DPH6: variants seen among roughly 807,000 people sequenced by gnomAD.
DPH6 encodes diphthine--ammonia ligase.
A neutral mutation model predicts 38.2 loss-of-function variants in DPH6; 33 were observed. That is an observed-to-expected ratio of 0.86 (90% CI 0.65 to 1.15). The LOEUF is 1.15. Among genes scored for constraint, DPH6 ranks in the 50% most tolerant of loss-of-function variants. The pLI is 0.00. For missense variants in DPH6, 325 were observed against 320.0 expected, an observed-to-expected ratio of 1.02 and a Z score of -0.12; for synonymous variants, 108 against 103.0, an observed-to-expected ratio of 1.05 and a Z score of -0.30.
intron 3 of DPH6, chr15:35,489,722 C>T: frequency 2.0e-6 from 2 of 978,896 alleles, no homozygotes; most frequent in Non-Finnish European, 2.4e-6. Flanking sequence ...GATATTAAAC[C>T]ATTTTTTCTG....
At chr15:35,213,315 T>C (rs1595431224), downstream of DPH6, among the ~76,000 whole-genome samples, 1 of 152,254 alleles carries the variant, frequency 6.6e-6, no homozygotes, top group East Asian at 1.9e-4. Flanking sequence ...AATTATCAAA[T>C]GAGATACCGT....
At chr15:35,428,777 T>G (rs2053599349) in intron 5 of DPH6, among the ~76,000 whole-genome samples, 1 of 152,074 alleles carries the variant, frequency 6.6e-6, no homozygotes, top group Admixed American at 6.5e-5. Flanking sequence ...AGGCTAAATA[T>G]ATAGCTCCTT....
chr15:35,415,614 T>C lies in DPH6; in HGVS notation c.506-4718A>G, dbSNP rs547519472. Among the ~76,000 whole-genome samples the C allele has an allele frequency of 6.6e-5, 10 of 152,106 alleles. No individual in the cohort carries two copies. The South Asian group carries it at 1.0e-3, about 16-fold the overall frequency. On this transcript the variant is annotated intron_variant, in intron 5 of 8. Coordinates refer to ENST00000256538, the MANE Select transcript of DPH6 (RefSeq NM_080650.4). The stretch of plus-strand genomic sequence containing the variant: ...CCTTTAAATATGAGTCAGTAAATAA[T>C]GTAAATATAAAACACACTGGGCACA...
At chr15:35,341,779 T>C (rs2052423635) in intron 3 of DPH6, among the ~76,000 whole-genome samples, 1 of 152,152 alleles carries the variant, frequency 6.6e-6, no homozygotes, top group Non-Finnish European at 1.5e-5. Flanking sequence ...CTGTCGCTGT[T>C]CCAAACACGC....
At chr15:35,284,991 G>A (rs527435787) in intron 3 of DPH6, among the ~76,000 whole-genome samples, 2 of 151,260 alleles carry the variant, frequency 1.3e-5, no homozygotes, top group African/African-American at 4.8e-5. Context: ...TTCATTTTTT[G>A]TAGAGATGAG....
chr15:35,194,665 T>C, the DPH6 span, among the ~76,000 whole-genome samples: 12 of 152,250 alleles, frequency 7.9e-5, no homozygotes, highest in African/African-American at 2.9e-4. Flanking sequence ...TTAAAATCTA[T>C]TGATTGCAGA....
chr15:35,392,120 T>C (rs937555244), intron 6 of DPH6, among the ~76,000 whole-genome samples: 1 of 152,226 alleles, frequency 6.6e-6, no homozygotes, highest in Non-Finnish European at 1.5e-5. Context: ...GGTGATTTCA[T>C]GGTTTGTAAG....
chr15:35,173,870 G>C, the DPH6 span, among the ~76,000 whole-genome samples: 1 of 152,082 alleles, frequency 6.6e-6, no homozygotes, highest in Non-Finnish European at 1.5e-5. Flanking sequence ...AGTCTTTGCT[G>C]ACCATCCCTT....
intron 3 of DPH6, among the ~76,000 whole-genome samples, chr15:35,233,958 A>G (rs1173343072): frequency 6.6e-6 from 1 of 152,156 alleles, no homozygotes; most frequent in Non-Finnish European, 1.5e-5. Flanking sequence ...TTTATTTTAT[A>G]GTATTTATCA....
the DPH6 span, among the ~76,000 whole-genome samples, chr15:35,182,039 C>T: frequency 6.6e-6 from 1 of 151,632 alleles, no homozygotes; most frequent in Non-Finnish European, 1.5e-5. Context: ...TAAAGTAATA[C>T]TTTTAATTAT....
the DPH6 span, among the ~76,000 whole-genome samples, chr15:35,153,271 C>G: frequency 6.6e-6 from 1 of 152,022 alleles, no homozygotes; most frequent in Admixed American, 6.6e-5. Flanking sequence ...AAAAAACCTG[C>G]CAACTTCTGC....
intron 3 of DPH6, among the ~76,000 whole-genome samples, chr15:35,226,837 T>C (rs547229201): frequency 2.0e-5 from 3 of 152,330 alleles, no homozygotes; most frequent in East Asian, 1.9e-4. Context: ...TACTGGCTCA[T>C]AGAATGAGTT....
At chr15:35,542,315 CTTTT>C in intron 2 of DPH6, 94 bp downstream of exon 2, 1 of 973,910 alleles carries the variant, frequency 1.0e-6, no homozygotes, top group Non-Finnish European at 1.5e-6. Context: ...TTTATTGGTT[CTTTT>C]TTTTTCATCT....
At chr15:35,263,566 C>A (rs1436557780) in intron 3 of DPH6, among the ~76,000 whole-genome samples, 1 of 151,674 alleles carries the variant, frequency 6.6e-6, no homozygotes, top group African/African-American at 2.4e-5. Flanking sequence ...CGTCACTTGT[C>A]TAACTTTTTA....
chr15:35,173,292 T>C, the DPH6 span, among the ~76,000 whole-genome samples: 4 of 152,224 alleles, frequency 2.6e-5, no homozygotes, highest in Non-Finnish European at 4.4e-5. Flanking sequence ...CTTACCTTTG[T>C]CTCTTTTGTC....
intron 3 of DPH6, among the ~76,000 whole-genome samples, chr15:35,528,416 A>G (rs2141250938): frequency 6.6e-6 from 1 of 152,298 alleles, no homozygotes; most frequent in East Asian, 1.9e-4. Context: ...GTAAAACTAT[A>G]TAAATTAGCT....
intron 3 of DPH6, among the ~76,000 whole-genome samples, chr15:35,276,581 T>C (rs914377427): frequency 2.0e-5 from 3 of 152,256 alleles, no homozygotes; most frequent in African/African-American, 7.2e-5. Context: ...TAGATTTAAG[T>C]CCTTGATCCA....
chr15:35,267,150 C>G (rs985642148), intron 3 of DPH6, among the ~76,000 whole-genome samples: 4 of 152,050 alleles, frequency 2.6e-5, no homozygotes, highest in African/African-American at 4.8e-5. Context: ...GTAAAAAAAA[C>G]AAAACTGAGA....
intron 3 of DPH6, among the ~76,000 whole-genome samples, chr15:35,530,116 T>A (rs1270364566): frequency 6.6e-6 from 1 of 152,182 alleles, no homozygotes; most frequent in Non-Finnish European, 1.5e-5. Flanking sequence ...AAGCAATTTA[T>A]GCTTATCAAT....
Sources: gnomAD v4.1 joint callset for allele counts (sites outside exome capture counted in the v4.1 genomes callset) on GRCh38, gnomAD v4.1.1 for gene constraint, MANE v1.5 for transcripts, NCBI Gene and HGNC (gene_info 2026-07-23, HGNC 2026-07-21) for gene names.